Variants in TNNI3K observed in about 807,000 individuals in gnomAD.
TNNI3K encodes the protein TNNI3 interacting kinase, also known as serine/threonine-protein kinase TNNI3K.
TNNI3K carries 140 observed loss-of-function variants against 114.5 expected under a neutral mutation model. The observed-to-expected ratio is 1.22, with a 90% confidence interval of 1.07 to 1.41. The LOEUF is 1.41. Ranked by LOEUF, TNNI3K falls within the 40% of genes most tolerant of loss-of-function variation. The pLI is 0.00. For missense variants in TNNI3K, 1,125 were observed against 1,007.6 expected, an observed-to-expected ratio of 1.12 and a Z score of -1.58; for synonymous variants, 347 against 347.5, an observed-to-expected ratio of 1.00 and a Z score of 0.02.
intron 23 of TNNI3K, among the ~76,000 whole-genome samples, chr1:74,515,744 C>A (rs1646339930): frequency 6.6e-6 from 1 of 152,150 alleles, no homozygotes; most frequent in African/African-American, 2.4e-5. Context: ...CTGGCAATGA[C>A]ATTCAAGTAG....
At chr1:74,306,175 T>C (rs1222288491) in intron 5 of TNNI3K, among the ~76,000 whole-genome samples, 1 of 152,306 alleles carries the variant, frequency 6.6e-6, no homozygotes, top group South Asian at 2.1e-4. Context: ...ACTTAAGATA[T>C]GGCCTCCAGC....
At chr1:74,256,283 C>CTTTTTTTTTTTTTTTTTTTTTT (rs61636791) in intron 4 of TNNI3K, among the ~76,000 whole-genome samples, 1 of 42,782 alleles carries the variant, frequency 2.3e-5, no homozygotes, top group Non-Finnish European at 5.0e-5. Context: ...TGTGGTCAGT[C>CTTTTTTTTTTTTTTTTTTTTTT]TTTTTTTTTT....
intron 23 of TNNI3K, among the ~76,000 whole-genome samples, chr1:74,508,870 C>T (rs561261521): frequency 2.6e-5 from 4 of 152,192 alleles, no homozygotes; most frequent in African/African-American, 9.6e-5. Context: ...AAAATAGGGA[C>T]CATAATATTA....
At chr1:74,288,229 A>G (rs1031941250) in intron 5 of TNNI3K, among the ~76,000 whole-genome samples, 12 of 152,144 alleles carry the variant, frequency 7.9e-5, no homozygotes, top group Non-Finnish European at 1.5e-4. Context: ...CAAAAGAATT[A>G]AAATCAGCAT....
chr1:74,480,300 C>A (rs925683918), intron 21 of TNNI3K: 2 of 717,548 alleles, frequency 2.8e-6, no homozygotes, highest in Non-Finnish European at 5.2e-6. Context: ...GCCACAGCTG[C>A]GGTAGATGGC....
At chr1:74,445,893 A>G (rs1438295444) in intron 20 of TNNI3K, among the ~76,000 whole-genome samples, 2 of 152,152 alleles carry the variant, frequency 1.3e-5, no homozygotes, top group Non-Finnish European at 2.9e-5. Context: ...TACAGGCGTG[A>G]GCCACCGTGC....
intron 19 of TNNI3K, among the ~76,000 whole-genome samples, chr1:74,436,829 A>G (rs1666153086): frequency 6.6e-6 from 1 of 152,060 alleles, no homozygotes; most frequent in Non-Finnish European, 1.5e-5. Flanking sequence ...TCACCTAACT[A>G]CTTATAGTAA....
intron 17 of TNNI3K, among the ~76,000 whole-genome samples, chr1:74,398,374 T>C (rs1460352014): frequency 1.3e-5 from 2 of 152,124 alleles, no homozygotes; most frequent in Non-Finnish European, 2.9e-5. Context: ...CCAGGCCACG[T>C]GTGATGCAAT....
At chr1:74,348,822 C>T (rs1205851862) in intron 9 of TNNI3K, among the ~76,000 whole-genome samples, 115 of 151,728 alleles carry the variant, frequency 7.6e-4, no homozygotes, top group African/African-American at 2.6e-3. Context: ...TATAAGAATG[C>T]TTGTGATTTT....
At chr1:74,482,883 A>G (rs2100265483) in intron 21 of TNNI3K, among the ~76,000 whole-genome samples, 1 of 152,306 alleles carries the variant, frequency 6.6e-6, no homozygotes, top group South Asian at 2.1e-4. Flanking sequence ...AATCTTACTA[A>G]TGCTGAACAA....
chr1:74,253,475 G>A (rs1655076180), intron 4 of TNNI3K, among the ~76,000 whole-genome samples: 2 of 152,186 alleles, frequency 1.3e-5, no homozygotes, highest in South Asian at 2.1e-4. Context: ...TGCAGGTCCT[G>A]AGCCCTGCCG....
rs199877185 is a variant in TNNI3K at position 74,249,529 on chromosome 1, T to C, written c.220T>C (p.Cys74Arg). 1 of 1,613,618 alleles carries C rather than the reference T, an allele frequency of 6.2e-7. No homozygotes were observed. The highest frequency in any genetic ancestry group is 1.1e-5 in the South Asian group (1 of 90,996). Reference protein sequence around the residue: ...TENGLSLLHLCCICGGKKSHI... With the variant: ...TENGLSLLHLRCICGGKKSHI... ...AAATGGGCTGTCTCTACTTCATTTATGTTGCATTTGTGGAGGTGAGTACTT... is the reference window on the plus strand; with the variant it reads ...AAATGGGCTGTCTCTACTTCATTTACGTTGCATTTGTGGAGGTGAGTACTT... Residue 74 changes from cysteine to arginine, a missense_variant, in exon 3 of 25, where the codon TGT becomes CGT. Transcript: ENST00000326637.
intron 5 of TNNI3K, among the ~76,000 whole-genome samples, chr1:74,277,019 G>A (rs1656724812): frequency 1.3e-5 from 2 of 152,062 alleles, no homozygotes. Flanking sequence ...CTTTGTACAA[G>A]GCCTAAGATC....
At chr1:74,368,807 T>C (rs1169636687) in intron 13 of TNNI3K, among the ~76,000 whole-genome samples, 1 of 151,814 alleles carries the variant, frequency 6.6e-6, no homozygotes, top group Non-Finnish European at 1.5e-5. Flanking sequence ...GAGTGAGTAA[T>C]CAAGACATAG....
At chr1:74,356,719 A>C (rs1159367412) in intron 11 of TNNI3K, among the ~76,000 whole-genome samples, 1 of 152,314 alleles carries the variant, frequency 6.6e-6, no homozygotes, top group South Asian at 2.1e-4. Context: ...ATGGAATTCC[A>C]CACTTCTATG....
chr1:74,349,477 C>T (rs371560466), intron 9 of TNNI3K, among the ~76,000 whole-genome samples: 3 of 152,004 alleles, frequency 2.0e-5, no homozygotes, highest in South Asian at 2.1e-4. Context: ...AGGATGATGC[C>T]GGCCTCATAA....
At chr1:74,418,264 C>T in intron 17 of TNNI3K, 1 of 419,490 alleles carries the variant, frequency 2.4e-6, no homozygotes, top group South Asian at 1.7e-5. Flanking sequence ...AGAAAGAAGG[C>T]ATCTCAGTTC....
intron 20 of TNNI3K, among the ~76,000 whole-genome samples, chr1:74,445,770 C>T (rs1043572667): frequency 6.6e-6 from 1 of 151,874 alleles, no homozygotes; most frequent in Non-Finnish European, 1.5e-5. Flanking sequence ...GCCACTACGC[C>T]TGGCTAACTT....
intron 19 of TNNI3K, among the ~76,000 whole-genome samples, chr1:74,436,914 C>T (rs924780286): frequency 6.6e-6 from 1 of 151,998 alleles, no homozygotes; most frequent in Non-Finnish European, 1.5e-5. Context: ...TCGTTCTCCA[C>T]TTTAACATTG....
Sources: allele counts gnomAD v4.1 joint callset (sites outside exome capture counted in the v4.1 genomes callset), GRCh38; gene constraint gnomAD v4.1.1; transcripts MANE v1.5; gene names NCBI Gene and HGNC (gene_info 2026-07-23, HGNC 2026-07-21).